The following L3MBTL4 variants were observed in gnomAD, a reference collection of about 807,000 sequenced individuals.
The protein encoded by L3MBTL4 is lethal(3)malignant brain tumor-like protein 4.
Under a neutral mutation model 84.5 loss-of-function variants are expected in L3MBTL4, and 70 were observed. That is an observed-to-expected ratio of 0.83 (90% CI 0.68 to 1.01). L3MBTL4 has a LOEUF of 1.01. Among genes scored for constraint, L3MBTL4 ranks in the 50% least tolerant of loss-of-function variants. The pLI is 0.00. For missense variants in L3MBTL4, 715 were observed against 754.8 expected, an observed-to-expected ratio of 0.95 and a Z score of 0.62; for synonymous variants, 274 against 259.8, an observed-to-expected ratio of 1.05 and a Z score of -0.52.
chr18:6,399,721 G>A (rs566784004), intron 1 of L3MBTL4: 2 of 152,280 alleles, frequency 1.3e-5, no homozygotes, highest in South Asian at 4.1e-4. Context: ...CAGAGCAAAT[G>A]TTGTTCAGCT....
At chr18:6,230,169 C>A (rs777102601) in intron 10 of L3MBTL4, among the ~76,000 whole-genome samples, 85 of 152,160 alleles carry the variant, frequency 5.6e-4, no homozygotes, top group East Asian at 3.9e-4. Context: ...AACATCATTT[C>A]ATCACTCAGG....
intron 1 of L3MBTL4, among the ~76,000 whole-genome samples, chr18:6,398,364 A>G (rs2055363933): frequency 6.6e-6 from 1 of 152,210 alleles, no homozygotes; most frequent in Non-Finnish European, 1.5e-5. Flanking sequence ...AATGCTGGAC[A>G]GCACCCTCAT....
chr18:6,370,150 A>AAAAAG (rs2054099513), intron 1 of L3MBTL4, among the ~76,000 whole-genome samples: 1 of 151,050 alleles, frequency 6.6e-6, no homozygotes, highest in Non-Finnish European at 1.5e-5. Flanking sequence ...AAAAAAAAAA[A>AAAAAG]AAAAGAAAGC....
chr18:6,349,901 G>A (rs2053097856), intron 1 of L3MBTL4, among the ~76,000 whole-genome samples: 1 of 151,928 alleles, frequency 6.6e-6, no homozygotes, highest in Non-Finnish European at 1.5e-5. Context: ...TCTGAATGCT[G>A]GTTTTCCAGA....
chr18:6,027,303 G>A (rs943740440), intron 16 of L3MBTL4, among the ~76,000 whole-genome samples: 2 of 152,044 alleles, frequency 1.3e-5, no homozygotes, highest in Non-Finnish European at 2.9e-5. Context: ...TTCTGTTCCC[G>A]TGTTAGTTTG....
At chr18:6,295,278 C>CCTGGGAGGCGG (rs2050040958) in intron 4 of L3MBTL4, among the ~76,000 whole-genome samples, 1 of 138,590 alleles carries the variant, frequency 7.2e-6, no homozygotes, top group African/African-American at 2.7e-5. Context: ...GTCTCAAAAA[C>CCTGGGAGGCGG]AAAACAACAG....
intron 13 of L3MBTL4, among the ~76,000 whole-genome samples, chr18:6,154,597 C>A (rs1598930001): frequency 6.6e-6 from 1 of 152,160 alleles, no homozygotes; most frequent in South Asian, 2.1e-4. Flanking sequence ...TTTAAAAGTG[C>A]AGTGTGATTA....
chr18:6,353,055 A>C (rs946843187), intron 1 of L3MBTL4, among the ~76,000 whole-genome samples: 2 of 152,250 alleles, frequency 1.3e-5, no homozygotes, highest in Non-Finnish European at 1.5e-5. Context: ...TACCACAAGT[A>C]AATGCAACCT....
In L3MBTL4 at chr18:5,969,453, C is replaced by T. The variant is rs748870398; in HGVS notation, c.1554G>A (p.Lys518=). 3 of 1,614,026 alleles carry T rather than the reference C, an allele frequency of 1.9e-6. No homozygotes were observed. The highest frequency in any genetic ancestry group is 2.2e-5 in the East Asian group (1 of 44,850). ...DLPLGREQHC[K]LLPGVADIRA... is the part of the protein sequence containing the mutation. Reference sequence around the variant, plus strand: ...GGATGTCAGCCACGCCTGGAAGCAACTTGCAGTGTTGCTCCCTGCCGAGGG... The same window carrying T: ...GGATGTCAGCCACGCCTGGAAGCAATTTGCAGTGTTGCTCCCTGCCGAGGG... Residue 518 remains lysine, a synonymous_variant, in exon 17 of 19, where the codon AAG becomes AAA. Coordinates refer to ENST00000317931, the MANE Select transcript of L3MBTL4 (RefSeq NM_001330559.2).
chr18:6,030,510 T>C, intron 16 of L3MBTL4: 2 of 967,042 alleles, frequency 2.1e-6, no homozygotes, highest in African/African-American at 3.5e-5. Context: ...TCTTTTTTTT[T>C]TTTTTGGAGA....
At chr18:6,055,496 T>G (rs944794350) in intron 16 of L3MBTL4, among the ~76,000 whole-genome samples, 1 of 152,214 alleles carries the variant, frequency 6.6e-6, no homozygotes, top group African/African-American at 2.4e-5. Context: ...ACAGATTGAT[T>G]GATTGATTGA....
chr18:6,106,623 G>C (rs9958707), intron 14 of L3MBTL4, among the ~76,000 whole-genome samples: 1 of 152,106 alleles, frequency 6.6e-6, no homozygotes, highest in African/African-American at 2.4e-5. Flanking sequence ...AGAAGAGAGA[G>C]CCTTGACTTT....
chr18:6,210,978 T>G (rs951225591), intron 12 of L3MBTL4, among the ~76,000 whole-genome samples: 1 of 152,026 alleles, frequency 6.6e-6, no homozygotes, highest in African/African-American at 2.4e-5. Context: ...CCAGGTAGAG[T>G]TTCAGGAATT....
At chr18:6,182,825 C>A (rs1388114700) in intron 12 of L3MBTL4, among the ~76,000 whole-genome samples, 1 of 152,010 alleles carries the variant, frequency 6.6e-6, no homozygotes, top group Admixed American at 6.6e-5. Context: ...TTTTCAAATG[C>A]TTTTTTAGGG....
chr18:6,221,974 T>G (rs1599213692), intron 10 of L3MBTL4, among the ~76,000 whole-genome samples: 2 of 152,212 alleles, frequency 1.3e-5, no homozygotes, highest in African/African-American at 2.4e-5. Context: ...TTGTCTTGTA[T>G]GAAATAGTGG....
intron 3 of L3MBTL4, among the ~76,000 whole-genome samples, chr18:6,310,577 G>A (rs1230943203): frequency 1.3e-5 from 2 of 152,130 alleles, no homozygotes; most frequent in African/African-American, 2.4e-5. Context: ...CTTCAGCAAC[G>A]GCAATGTGTA....
chr18:6,306,054 T>C (rs2050572748), intron 3 of L3MBTL4, among the ~76,000 whole-genome samples: 1 of 152,252 alleles, frequency 6.6e-6, no homozygotes, highest in Non-Finnish European at 1.5e-5. Context: ...ACCTGCTATC[T>C]GTGCCCCAGA....
At chr18:6,181,857 T>C (rs9948973) in intron 12 of L3MBTL4, among the ~76,000 whole-genome samples, 12,239 of 152,260 alleles carry the variant, frequency 0.08, 1,650 homozygotes, top group African/African-American at 0.28. Flanking sequence ...TTTTTTATGG[T>C]TGTCTAGCAT....
At chr18:6,195,246 T>C (rs958952782) in intron 12 of L3MBTL4, among the ~76,000 whole-genome samples, 10 of 152,136 alleles carry the variant, frequency 6.6e-5, no homozygotes, top group African/African-American at 2.4e-4. Context: ...GGGTCTGTCC[T>C]GGCAAACCTA....
Sources: allele counts gnomAD v4.1 joint callset (sites outside exome capture counted in the v4.1 genomes callset), GRCh38; gene constraint gnomAD v4.1.1; transcripts MANE v1.5; gene names NCBI Gene and HGNC (gene_info 2026-07-23, HGNC 2026-07-21).